RPS6KA2: variants seen among roughly 807,000 people sequenced by gnomAD.
RPS6KA2 encodes ribosomal protein S6 kinase alpha-2.
In RPS6KA2, 42 loss-of-function variants were observed where a neutral mutation model predicts 91.8. The ratio of observed to expected loss-of-function variants is 0.46; its 90% CI spans 0.36 to 0.59. RPS6KA2 has a LOEUF of 0.59. Among genes scored for constraint, RPS6KA2 ranks in the 20% least tolerant of loss-of-function variants. RPS6KA2 has a pLI of 0.00. For missense variants in RPS6KA2, 798 were observed against 978.5 expected (o/e 0.82, Z 2.46); for synonymous variants, 414 against 393.6 (o/e 1.05, Z -0.61).
At chr6:166,786,436 C>G (rs1220204393) in intron 2 of RPS6KA2, among the ~76,000 whole-genome samples, 4 of 151,486 alleles carry the variant, frequency 2.6e-5, no homozygotes, top group African/African-American at 9.7e-5. Flanking sequence ...GGTGACAAAA[C>G]TGATTATCAA....
Position 166,533,276 on chromosome 6 carries a change from T to G in RPS6KA2, c.217-1963A>C, listed in dbSNP as rs760334267. Among the ~76,000 whole-genome samples the G allele has an allele frequency of 5.3e-5, 8 of 152,216 alleles. No individual in the cohort carries two copies. The highest frequency in any genetic ancestry group is 1.2e-4 in the Non-Finnish European group (8 of 68,030). ...GTCCGTGTGCCTAATGTCCCTAGGT[T>G]GACTTGATGAGTGGTGCTGTGGAGA... On this transcript the variant is annotated intron_variant, in intron 2 of 20. Coordinates refer to ENST00000265678, the MANE Select transcript of RPS6KA2 (RefSeq NM_021135.6). This position sits in a 1 kb window ranked among gnomAD's most constrained non-coding sequence, Gnocchi z 4.0.
intron 2 of RPS6KA2, among the ~76,000 whole-genome samples, chr6:166,673,342 C>CA (rs1788530794): frequency 6.6e-6 from 1 of 152,156 alleles, no homozygotes. Context: ...CTTGTCCCCC[C>CA]AGAGCTGTCA....
chr6:166,651,440 T>A (rs1787852566), intron 2 of RPS6KA2, among the ~76,000 whole-genome samples: 1 of 152,244 alleles, frequency 6.6e-6, no homozygotes, highest in African/African-American at 2.4e-5. Context: ...TTCTATGTAT[T>A]TCTAAACTTG....
chr6:166,414,011 T>C (rs1461049129), intron 19 of RPS6KA2, 80 bp from the exon 20 acceptor site: 8 of 1,360,846 alleles, frequency 5.9e-6, no homozygotes, highest in Non-Finnish European at 8.2e-6. Context: ...GCAGAACTCC[T>C]CTCCCTCTAT....
chr6:166,605,633 G>T (rs1197935478), intron 1 of RPS6KA2, among the ~76,000 whole-genome samples: 1 of 152,154 alleles, frequency 6.6e-6, no homozygotes, highest in Admixed American at 6.5e-5. Context: ...TTAACATGTA[G>T]AGTATGATTT....
chr6:166,649,158 C>T (rs1321512952), intron 2 of RPS6KA2, among the ~76,000 whole-genome samples: 1 of 152,194 alleles, frequency 6.6e-6, no homozygotes, highest in Non-Finnish European at 1.5e-5. Flanking sequence ...GTCTGCTCCA[C>T]ACCAAACCCA....
Position 166,448,613 on chromosome 6 carries a change from C to T in RPS6KA2, c.1332+111G>A. On this transcript the variant is annotated intron_variant, in intron 14 of 20. Transcript: ENST00000265678. This position sits in a 1 kb window ranked among gnomAD's most constrained non-coding sequence, Gnocchi z 4.7. Reference sequence around the variant, plus strand: ...GTGCTGTACATGCTCCCACACGCTGCACTCACACAGGGCCCTGCTATGCTC... The same window carrying T: ...GTGCTGTACATGCTCCCACACGCTGTACTCACACAGGGCCCTGCTATGCTC... 1.5e-6 allele frequency: 2 copies of T among 1,338,376 alleles called. No individual in the cohort carries two copies. Among genetic ancestry groups the T allele is most frequent in the East Asian group, 5.1e-5 (2 of 39,008 alleles). The allele number at this position is 1,338,376 out of a possible 1,614,324, so 82.9% of individuals were successfully genotyped here.
chr6:166,783,659 T>C (rs925286042), intron 2 of RPS6KA2, among the ~76,000 whole-genome samples: 11 of 152,074 alleles, frequency 7.2e-5, no homozygotes, highest in Admixed American at 6.5e-4. Flanking sequence ...CACCTATGCA[T>C]AGCTATGTAT....
rs886207541 is a variant in RPS6KA2 at position 166,533,916 on chromosome 6, T to C, written c.217-2603A>G. On this transcript the variant is annotated intron_variant, in intron 2 of 20. Transcript: ENST00000265678. This position sits in a 1 kb window ranked among gnomAD's most constrained non-coding sequence, Gnocchi z 4.0. ...GGGCAGCATAGCAAAACCCCAGGTC[T>C]AGTAAAAATAAAAATAAAAATTAGG... is the stretch of plus-strand genomic sequence containing the variant. 2.6e-5 allele frequency among the ~76,000 whole-genome samples: 4 copies of C among 151,982 alleles called. No individual in the cohort carries two copies. The highest frequency in any genetic ancestry group is 6.6e-5 in the Admixed American group (1 of 15,250).
At chr6:166,608,840 GCCC>G (rs1786050366) in intron 1 of RPS6KA2, among the ~76,000 whole-genome samples, 1 of 152,034 alleles carries the variant, frequency 6.6e-6, no homozygotes, top group South Asian at 2.1e-4. Flanking sequence ...ATATATTTAG[GCCC>G]AAAGTCATGT....
Position 166,652,770 on chromosome 6 carries a change from C to T in RPS6KA2, c.124-113986G>A, listed in dbSNP as rs143214195. ...AGATGCGGGTAGTGGTGAATCGTAC[C>T]GAGATTTTCAAGCTCCATCTTAATC... On this transcript the variant is annotated intron_variant, in intron 2 of 21. Coordinates refer to the RPS6KA2 transcript ENST00000503859. Among the ~76,000 whole-genome samples, 493 of 152,268 alleles carry T rather than the reference C, an allele frequency of 3.2e-3. 2 individuals are homozygous for T. Among genetic ancestry groups the T allele is most frequent in the African/African-American group, 0.012 (481 of 41,564 alleles).
intron 2 of RPS6KA2, chr6:166,701,024 G>A (rs1028820020): frequency 3.1e-5 from 37 of 1,179,306 alleles, no homozygotes; most frequent in South Asian, 1.8e-4. Context: ...GGGGGTCAGC[G>A]CCTGTCTGTT....
intron 1 of RPS6KA2, among the ~76,000 whole-genome samples, chr6:166,610,502 C>T (rs1164689489): frequency 6.6e-6 from 1 of 152,210 alleles, no homozygotes; most frequent in Non-Finnish European, 1.5e-5. Context: ...CTTCATGAGG[C>T]CAAACACTTA....
chr6:166,848,287 G>A lies in RPS6KA2; in HGVS notation c.123+9913C>T, dbSNP rs183074745. 2.0e-5 allele frequency among the ~76,000 whole-genome samples: 3 copies of A among 152,218 alleles called. No homozygotes were observed. The East Asian group carries it at 5.8e-4, about 29-fold the overall frequency. ...ATGTTAGCATGGATGCAGTGAAAAG[G>A]GAACACTTTTACACTGTTGGTGGAA... On this transcript the variant is annotated intron_variant, in intron 2 of 21. Coordinates refer to the RPS6KA2 transcript ENST00000503859.
intron 1 of RPS6KA2, among the ~76,000 whole-genome samples, chr6:166,591,691 T>C (rs987795571): frequency 6.6e-6 from 1 of 152,152 alleles, no homozygotes; most frequent in Non-Finnish European, 1.5e-5. Context: ...TGCCCAGGTA[T>C]AGTCTCGGAA....
chr6:166,688,063 T>G (rs991795568), intron 2 of RPS6KA2, among the ~76,000 whole-genome samples: 2 of 151,650 alleles, frequency 1.3e-5, no homozygotes, highest in African/African-American at 4.8e-5. Context: ...GAGTGAGTAT[T>G]CAAAAGGCAG....
intron 11 of RPS6KA2, among the ~76,000 whole-genome samples, chr6:166,468,399 T>C (rs1780619951): frequency 6.6e-6 from 1 of 152,236 alleles, no homozygotes; most frequent in African/African-American, 2.4e-5. Context: ...TAAAAAGTTA[T>C]CACTCTTCCC....
At chr6:166,692,698 G>T (rs1789246018) in intron 2 of RPS6KA2, among the ~76,000 whole-genome samples, 1 of 152,164 alleles carries the variant, frequency 6.6e-6, no homozygotes, top group Admixed American at 6.5e-5. Flanking sequence ...GGCCTGTTTG[G>T]CTTCCAGAGC....
chr6:166,777,945 AAAG>A (rs137923400), intron 2 of RPS6KA2, among the ~76,000 whole-genome samples: 3,042 of 152,376 alleles, frequency 0.02, 48 homozygotes, highest in African/African-American at 0.037. Context: ...GAAAGATATA[AAAG>A]AAGACTAAAG....
Sources: gnomAD v4.1 joint callset for allele counts (sites outside exome capture counted in the v4.1 genomes callset) on GRCh38, gnomAD v4.1.1 for gene constraint, Gnocchi (gnomAD v3.1) non-coding constraint, MANE v1.5 for transcripts, NCBI Gene and HGNC (gene_info 2026-07-23, HGNC 2026-07-21) for gene names.